Variants in USP43 observed in about 807,000 individuals in gnomAD.
The protein encoded by USP43 is ubiquitin carboxyl-terminal hydrolase 43.
In USP43, 33 loss-of-function variants were observed where a neutral mutation model predicts 90.7. The ratio of observed to expected loss-of-function variants is 0.36; its 90% CI spans 0.28 to 0.49. USP43 has a LOEUF of 0.49. Among genes scored for constraint, USP43 ranks in the 20% least tolerant of loss-of-function variants. The pLI is 0.98. For synonymous variants in USP43, 598 were observed against 615.8 expected (o/e 0.97, Z 0.43); for missense variants, 1,274 against 1,476.4 (o/e 0.86, Z 2.25).
intron 9 of USP43, among the ~76,000 whole-genome samples, chr17:9,693,979 T>C (rs148207666): frequency 2.0e-5 from 3 of 152,294 alleles, no homozygotes; most frequent in Non-Finnish European, 4.4e-5. Context: ...GATTGTGGAG[T>C]GTGCCTGAGG....
intron 9 of USP43, among the ~76,000 whole-genome samples, chr17:9,693,449 G>T (rs991850769): frequency 5.3e-5 from 8 of 152,098 alleles, no homozygotes; most frequent in Admixed American, 1.3e-4. Context: ...AGATGGGGGG[G>T]ACACCAACGT....
chr17:9,687,517 A>G (rs1377301503), intron 8 of USP43, among the ~76,000 whole-genome samples: 1 of 152,218 alleles, frequency 6.6e-6, no homozygotes, highest in Non-Finnish European at 1.5e-5. Context: ...TTCCAAACAA[A>G]AACAGCATGT....
In USP43 at chr17:9,701,423, G is replaced by A; in HGVS notation, c.1734G>A (p.Leu578=). The change falls in exon 12 of 15, where the codon TTG becomes TTA. Residue 578 remains leucine, a synonymous_variant. Transcript: ENST00000285199. This position sits in a 1 kb window ranked among gnomAD's most constrained non-coding sequence, Gnocchi z 7.2. ...VLQQGMVKLS[L]WTLPDILIIH... is the part of the protein sequence containing the mutation. Reference sequence around the variant, plus strand: ...AGCAGGGGATGGTGAAGCTGAGTTTGTGGACGCTGCCTGACATCCTCATCA... The same window carrying A: ...AGCAGGGGATGGTGAAGCTGAGTTTATGGACGCTGCCTGACATCCTCATCA... 3.7e-6 allele frequency: 6 copies of A among 1,602,716 alleles called. No individual in the cohort carries two copies. The highest frequency in any genetic ancestry group is 5.1e-6 in the Non-Finnish European group (6 of 1,174,904).
At chr17:9,664,326 T>G (rs753377396) in intron 2 of USP43, among the ~76,000 whole-genome samples, 2 of 152,208 alleles carry the variant, frequency 1.3e-5, no homozygotes, top group Non-Finnish European at 1.5e-5. Context: ...TTTTCTTGGA[T>G]GTACTTTGAA....
chr17:9,682,855 C>T lies in USP43; in HGVS notation c.1138C>T (p.Leu380=). 1 of 1,614,038 alleles carries T rather than the reference C, an allele frequency of 6.2e-7. No individual in the cohort carries two copies. The highest frequency in any genetic ancestry group is 8.5e-7 in the Non-Finnish European group (1 of 1,179,886). Residue 380 remains leucine (L), a synonymous_variant, in exon 7 of 15, where the codon CTG becomes TTG. Transcript: ENST00000285199. ...HPLGLSASPR[L]AAREGQRFSL... is the part of the protein sequence containing the mutation. Reference sequence around the variant, plus strand: ...ACTGGGTCTGTCGGCCTCCCCACGCCTGGCAGCCCGTGAGGGCCAGCGATT... The same window carrying T: ...ACTGGGTCTGTCGGCCTCCCCACGCTTGGCAGCCCGTGAGGGCCAGCGATT...
chr17:9,680,699 T>A (rs978960821), intron 6 of USP43, among the ~76,000 whole-genome samples: 1 of 152,080 alleles, frequency 6.6e-6, no homozygotes, highest in African/African-American at 2.4e-5. Context: ...GTGATGCCGA[T>A]GCTGCTGGTC....
At chr17:9,672,089 C>T (rs544916067) in intron 3 of USP43, among the ~76,000 whole-genome samples, 4 of 152,186 alleles carry the variant, frequency 2.6e-5, no homozygotes, top group East Asian at 3.9e-4. Flanking sequence ...CTCCGCCTCC[C>T]GGGTGCAAGC....
At chr17:9,700,529 A>C (rs1915509659) in intron 10 of USP43, among the ~76,000 whole-genome samples, 1 of 152,214 alleles carries the variant, frequency 6.6e-6, no homozygotes, top group Non-Finnish European at 1.5e-5. Flanking sequence ...CACTCACCCC[A>C]TGCCAGTCAC....
At chr17:9,649,151 A>G (rs764482006) in intron 1 of USP43, among the ~76,000 whole-genome samples, 95 of 152,030 alleles carry the variant, frequency 6.2e-4, no homozygotes, top group Non-Finnish European at 2.1e-4. Context: ...TACTAAAAAT[A>G]CAAAAATTAG....
intron 3 of USP43, among the ~76,000 whole-genome samples, chr17:9,673,564 A>G (rs1283684739): frequency 1.3e-5 from 2 of 152,202 alleles, no homozygotes; most frequent in African/African-American, 4.8e-5. Flanking sequence ...TCTAAAGTAA[A>G]GGAGTATTAA....
intron 3 of USP43, among the ~76,000 whole-genome samples, chr17:9,669,347 A>AT (rs1195521719): frequency 6.6e-6 from 1 of 152,108 alleles, no homozygotes; most frequent in Non-Finnish European, 1.5e-5. Flanking sequence ...TGTACAATTA[A>AT]TTCACCTATT....
intron 12 of USP43, among the ~76,000 whole-genome samples, chr17:9,704,492 T>G (rs1360629412): frequency 7.2e-6 from 1 of 139,436 alleles, no homozygotes; most frequent in East Asian, 2.3e-4. Flanking sequence ...ATTTTTGTAT[T>G]TTTTAGTAGA....
chr17:9,707,234 G>A (rs530063321), intron 12 of USP43, among the ~76,000 whole-genome samples: 132 of 152,268 alleles, frequency 8.7e-4, no homozygotes, highest in African/African-American at 3.1e-3. Context: ...GCGCACATGT[G>A]TGTTTATGTG....
intron 2 of USP43, among the ~76,000 whole-genome samples, chr17:9,660,408 C>T (rs1348014782): frequency 6.6e-6 from 1 of 152,206 alleles, no homozygotes; most frequent in Non-Finnish European, 1.5e-5. Context: ...CTTGGCCTCC[C>T]AAAGTGCTGA....
chr17:9,693,134 GGTCTCT>G lies in USP43; in HGVS notation c.1364_1369del (p.Ser455_Leu456del). On this transcript the variant is annotated inframe_deletion, in exon 9 of 15. Transcript: ENST00000285199. ...CTGTTTTTGTCTTCGCAGAACCTGG[GGTCTCT>G]GTTCTCCATCCGTGTTGTGGGACTC... 6.2e-7 allele frequency: 1 copy of G among 1,613,380 alleles called. No individual in the cohort carries two copies. Among genetic ancestry groups the G allele is most frequent in the South Asian group, 1.1e-5 (1 of 90,880 alleles).
At chr17:9,713,068 A>T (rs1177693269) in intron 14 of USP43, among the ~76,000 whole-genome samples, 1 of 152,066 alleles carries the variant, frequency 6.6e-6, no homozygotes, top group East Asian at 1.9e-4. Flanking sequence ...ATTAAACATG[A>T]GAACTTATTT....
At chr17:9,649,168 G>T (rs1013387871) in intron 1 of USP43, among the ~76,000 whole-genome samples, 3 of 152,008 alleles carry the variant, frequency 2.0e-5, no homozygotes, top group South Asian at 4.2e-4. Flanking sequence ...TTAGCCGGGC[G>T]TGGTGGCGTG....
intron 14 of USP43, among the ~76,000 whole-genome samples, chr17:9,719,225 C>T (rs1916788667): frequency 6.6e-6 from 1 of 152,230 alleles, no homozygotes; most frequent in South Asian, 2.1e-4. Context: ...CATCCCAGCT[C>T]TGTTTAACGG....
At chr17:9,688,210 A>G (rs1019908578) in intron 8 of USP43, among the ~76,000 whole-genome samples, 6 of 151,288 alleles carry the variant, frequency 4.0e-5, no homozygotes, top group African/African-American at 1.5e-4. Context: ...GATGGTCTCG[A>G]TCTCTTGACC....
Sources: allele counts gnomAD v4.1 joint callset (sites outside exome capture counted in the v4.1 genomes callset), GRCh38; gene constraint gnomAD v4.1.1; non-coding constraint Gnocchi (gnomAD v3.1); transcripts MANE v1.5; gene names NCBI Gene and HGNC (gene_info 2026-07-23, HGNC 2026-07-21).